The following ELP2 variants were observed in gnomAD, a reference collection of about 807,000 sequenced individuals.
ELP2 encodes elongator complex protein 2.
Under a neutral mutation model 119.2 loss-of-function variants are expected in ELP2, and 90 were observed. That is an observed-to-expected ratio of 0.75 (90% CI 0.64 to 0.90). The LOEUF is 0.90. ELP2 is among the 40% of genes least tolerant of loss of function. The probability of loss-of-function intolerance (pLI) is 0.00; values close to 1 mark genes in which losing one functional copy is unlikely to be tolerated. For synonymous variants in ELP2, 339 were observed against 331.0 expected (o/e 1.02, Z -0.26); for missense variants, 921 against 967.8 (o/e 0.95, Z 0.64).
chr18:36,156,869 C>G (rs538463485), intron 13 of ELP2, among the ~76,000 whole-genome samples: 50 of 152,246 alleles, frequency 3.3e-4, no homozygotes, highest in Non-Finnish European at 5.0e-4. Flanking sequence ...CAAAATACTA[C>G]AAAGCTGCAT....
intron 5 of ELP2, among the ~76,000 whole-genome samples, chr18:36,139,260 T>C (rs1258787679): frequency 3.3e-5 from 5 of 152,230 alleles, no homozygotes; most frequent in Non-Finnish European, 5.9e-5. Context: ...AAATGATAGC[T>C]CCTTCACATC....
intron 20 of ELP2, 81 bp downstream of exon 20, chr18:36,170,277 A>T: frequency 6.5e-7 from 1 of 1,529,930 alleles, no homozygotes; most frequent in Non-Finnish European, 9.0e-7. Flanking sequence ...TCATTTGTGA[A>T]TTCTCCTAGC....
At chr18:36,134,222 G>A (rs753871000) in intron 2 of ELP2, among the ~76,000 whole-genome samples, 5 of 152,102 alleles carry the variant, frequency 3.3e-5, no homozygotes, top group Non-Finnish European at 7.4e-5. Context: ...ACTAGATCAA[G>A]GGTGTCTTAG....
At chr18:36,162,400 C>A (rs1462169476) in intron 17 of ELP2, among the ~76,000 whole-genome samples, 1 of 152,120 alleles carries the variant, frequency 6.6e-6, no homozygotes, top group African/African-American at 2.4e-5. Flanking sequence ...ATCAGTAGTT[C>A]ATGCCTTCTT....
At chr18:36,148,078 C>T (rs2090269001) in intron 11 of ELP2, among the ~76,000 whole-genome samples, 1 of 149,544 alleles carries the variant, frequency 6.7e-6, no homozygotes, top group African/African-American at 2.4e-5. Context: ...AGGGTGGAAC[C>T]CTCTCATGGT....
chr18:36,143,186 C>T (rs1364377998), intron 8 of ELP2, among the ~76,000 whole-genome samples: 1 of 151,950 alleles, frequency 6.6e-6, no homozygotes, highest in Non-Finnish European at 1.5e-5. Flanking sequence ...ACCTCCGTCT[C>T]CCAGGTTCAA....
chr18:36,152,469 A>G (rs2090433843), intron 11 of ELP2, among the ~76,000 whole-genome samples: 1 of 152,202 alleles, frequency 6.6e-6, no homozygotes, highest in Non-Finnish European at 1.5e-5. Context: ...CCCCTTAACC[A>G]TAGCATTTAC....
Position 36,174,017 on chromosome 18 carries a change from T to A in ELP2, c.2325-468T>A, listed in dbSNP as rs117238322. Among the ~76,000 whole-genome samples the A allele has an allele frequency of 3.7e-3, 564 of 152,312 alleles. 4 individuals are homozygous for A. Among genetic ancestry groups the A allele is most frequent in the South Asian group, 0.022 (107 of 4,830 alleles). On this transcript the variant is annotated intron_variant, in intron 21 of 21. Transcript: ENST00000358232. ...ATTGTGCAGTACATTAAATCTGTCATTGTCTTTCTTTACCCAGTAGTAAAA... is the reference window on the plus strand; with the variant it reads ...ATTGTGCAGTACATTAAATCTGTCAATGTCTTTCTTTACCCAGTAGTAAAA...
chr18:36,144,965 C>T lies in ELP2; in HGVS notation c.823C>T (p.Leu275=). 17 of 1,613,870 alleles carry T rather than the reference C, an allele frequency of 1.1e-5. No individual in the cohort carries two copies. The highest frequency in any genetic ancestry group is 1.4e-5 in the Non-Finnish European group (17 of 1,179,818). ...TGTTAAAATAGCATTTGCTGTTACTCTGGAGACAGTGCTAGCCGGTCATGA... is the reference window on the plus strand; with the variant it reads ...TGTTAAAATAGCATTTGCTGTTACTTTGGAGACAGTGCTAGCCGGTCATGA... The part of the protein sequence containing the change: ...ESVKIAFAVT[L]ETVLAGHENW... The change falls in exon 9 of 22, where the codon CTG becomes TTG. Residue 275 remains leucine (L), a synonymous_variant. Transcript: ENST00000358232.
chr18:36,133,391 C>A (rs1185215556), intron 2 of ELP2, 75 bp downstream of exon 2: 19 of 1,044,914 alleles, frequency 1.8e-5, no homozygotes, highest in Non-Finnish European at 2.6e-5. Context: ...TTTTTCTCAT[C>A]ACTTCTCTTA....
intron 17 of ELP2, among the ~76,000 whole-genome samples, chr18:36,163,275 G>GGTGTGTGTGTGTGTGTGTGTGT (rs59728775): frequency 6.9e-6 from 1 of 145,360 alleles, no homozygotes; most frequent in African/African-American, 2.5e-5. Flanking sequence ...GTTCATGGGG[G>GGTGTGTGTGTGTGTGTGTGTGT]GTGTGTGTGT....
At chr18:36,142,124 G>T (rs1279538402) in intron 6 of ELP2, among the ~76,000 whole-genome samples, 157 bp from the exon 7 acceptor site, 1 of 152,152 alleles carries the variant, frequency 6.6e-6, no homozygotes, top group African/African-American at 2.4e-5. Context: ...TACGTGATGG[G>T]TTTTTCATTC....
chr18:36,171,278 C>T, intron 21 of ELP2, 118 bp downstream of exon 21: 2 of 732,278 alleles, frequency 2.7e-6, no homozygotes, highest in Non-Finnish European at 4.9e-6. Flanking sequence ...GTCGTGTCTA[C>T]CACTTTGTTT....
chr18:36,144,716 G>C (rs2090143544), intron 8 of ELP2, among the ~76,000 whole-genome samples: 2 of 152,160 alleles, frequency 1.3e-5, no homozygotes, highest in Admixed American at 1.3e-4. Flanking sequence ...TTTATGACCA[G>C]CTAGAACAGA....
intron 18 of ELP2, 144 bp downstream of exon 18, chr18:36,164,811 C>G: frequency 1.3e-6 from 1 of 751,788 alleles, no homozygotes; most frequent in East Asian, 2.7e-5. Context: ...TCTTGGATAA[C>G]TGAGGAAGAC....
chr18:36,176,263 A>C lies in ELP2; in HGVS notation c.*1622A>C, dbSNP rs955591169. 1 of 151,890 alleles carries C rather than the reference A, an allele frequency of 6.6e-6. No individual in the cohort carries two copies. Among genetic ancestry groups the C allele is most frequent in the African/African-American group, 2.4e-5 (1 of 41,288 alleles). 9.4% of individuals were successfully genotyped at this position (151,890 alleles called of 1,614,324 possible). ...GTACTTTAGACTATTGCATCTGTAT[A>C]CTCTTGTGCCGTCAGCTGGGGGGTG... On this transcript the variant is annotated 3_prime_UTR_variant, in exon 22 of 22. Coordinates refer to ENST00000358232, the MANE Select transcript of ELP2 (RefSeq NM_018255.4).
In ELP2 at chr18:36,143,421, C is replaced by CTT. The variant is rs67196641; in HGVS notation, c.796+474_796+475dup. On this transcript the variant is annotated intron_variant, in intron 8 of 21. Coordinates refer to ENST00000358232, the MANE Select transcript of ELP2 (RefSeq NM_018255.4). ...ACAGGTGTGAGCCACCGTGCCTGGC[C>CTT]TTTTTTTTTTTTTTTTTTTTGAGAC... is the stretch of plus-strand genomic sequence containing the variant. Among the ~76,000 whole-genome samples, 352 of 98,022 alleles carry CTT rather than the reference C, an allele frequency of 3.6e-3. 6 individuals are homozygous for CTT. Among genetic ancestry groups the CTT allele is most frequent in the African/African-American group, 0.013 (331 of 25,876 alleles). The allele number at this position is 98,022 out of a possible 152,430, so 64.3% of individuals were successfully genotyped here.
intron 13 of ELP2, 61 bp downstream of exon 13, chr18:36,156,715 T>A (rs1420975153): frequency 2.3e-5 from 34 of 1,502,614 alleles, no homozygotes; most frequent in Non-Finnish European, 2.9e-5. Flanking sequence ...TTTAAAAGGA[T>A]TTTTGCCTTA....
At position 36,136,303 on chromosome 18, in the gene ELP2, T is replaced by C. The variant is rs753582203; in HGVS notation, c.218-4T>C. 1.2e-6 allele frequency: 2 copies of C among 1,607,362 alleles called. No individual in the cohort carries two copies. The highest frequency in any genetic ancestry group is 1.7e-6 in the Non-Finnish European group (2 of 1,173,880). ...GATATTTACTGAGATATAATTTTTT[T>C]CAGCCCCTTCTACTGAATTAGTTTC... is the stretch of plus-strand genomic sequence containing the variant. On this transcript the variant is annotated splice_polypyrimidine_tract_variant and splice_region_variant and intron_variant, in intron 2 of 21. Coordinates refer to ENST00000358232, the MANE Select transcript of ELP2 (RefSeq NM_018255.4).
Sources: allele counts gnomAD v4.1 joint callset (sites outside exome capture counted in the v4.1 genomes callset), GRCh38; gene constraint gnomAD v4.1.1; transcripts MANE v1.5; gene names NCBI Gene and HGNC (gene_info 2026-07-23, HGNC 2026-07-21).